The following GPHN variants were observed in gnomAD, a reference collection of about 807,000 sequenced individuals.
The protein encoded by GPHN is gephyrin.
Under a neutral mutation model 95.5 loss-of-function variants are expected in GPHN, and 17 were observed. The observed-to-expected ratio is 0.18, with a 90% CI of 0.12 to 0.27. GPHN has a LOEUF of 0.27. Ranked by LOEUF, GPHN falls within the 10% of genes least tolerant of loss-of-function variation. The pLI, the probability that GPHN is intolerant of heterozygous loss-of-function variation, is 1.00. For synonymous variants in GPHN, 320 were observed against 322.5 expected (o/e 0.99, Z 0.08); for missense variants, 660 against 978.1 (o/e 0.67, Z 4.34).
the GPHN span, among the ~76,000 whole-genome samples, chr14:67,621,417 A>C: frequency 1.7e-4 from 26 of 152,044 alleles, no homozygotes; most frequent in Non-Finnish European, 2.9e-4. Flanking sequence ...CTGATCTTAT[A>C]TAGAACTAAT....
chr14:67,374,586 G>C, the GPHN span: 1 of 1,337,276 alleles, frequency 7.5e-7, no homozygotes, highest in Non-Finnish European at 1.1e-6. Flanking sequence ...CACTATCTGT[G>C]TGTTTAATAA....
At chr14:67,286,929 C>G in the GPHN span, among the ~76,000 whole-genome samples, 2 of 146,274 alleles carry the variant, frequency 1.4e-5, no homozygotes, top group Non-Finnish European at 3.0e-5. Flanking sequence ...AAAAATGTAC[C>G]CTTTATGGCT....
At chr14:66,786,556 A>G (rs1055675396) in intron 3 of GPHN, among the ~76,000 whole-genome samples, 26 of 152,266 alleles carry the variant, frequency 1.7e-4, no homozygotes, top group African/African-American at 5.3e-4. Context: ...TGTTGATACC[A>G]AAAACAGAGA....
intron 20 of GPHN, among the ~76,000 whole-genome samples, chr14:67,168,610 A>C (rs2082416162): frequency 6.6e-6 from 1 of 152,230 alleles, no homozygotes; most frequent in Non-Finnish European, 1.5e-5. Context: ...AAACGGCTTT[A>C]AAACAAGATT....
chr14:66,543,960 G>C (rs190106060), intron 1 of GPHN, among the ~76,000 whole-genome samples: 1,838 of 152,246 alleles, frequency 0.012, 18 homozygotes, highest in Non-Finnish European at 0.018. Flanking sequence ...ACTTTGCTGA[G>C]GACTCTCCAG....
chr14:66,983,508 G>T (rs1313036734), intron 9 of GPHN, among the ~76,000 whole-genome samples: 1 of 151,742 alleles, frequency 6.6e-6, no homozygotes, highest in Non-Finnish European at 1.5e-5. Context: ...CATGAAACTT[G>T]AATTGTAGCC....
In GPHN at chr14:67,074,896, C is replaced by T. The variant is rs183532725; in HGVS notation, c.1145-14087C>T. Among the ~76,000 whole-genome samples, 59 of 152,206 alleles carry T rather than the reference C, an allele frequency of 3.9e-4. 1 individual carries two copies. The highest frequency in any genetic ancestry group is 1.3e-3 in the African/African-American group (53 of 41,546). On this transcript the variant is annotated intron_variant, in intron 11 of 22. Transcript: ENST00000478722. ...GAGCTTTAAGGACAGAATACATCTC[C>T]ATAATATAACAATGCAAGGTGAAGC...
chr14:67,622,658 C>T, the GPHN span, among the ~76,000 whole-genome samples: 49,425 of 152,108 alleles, frequency 0.32, 8,632 homozygotes, highest in African/African-American at 0.46. Flanking sequence ...CTTGTACACA[C>T]TGCCTTTTTA....
the GPHN span, among the ~76,000 whole-genome samples, chr14:67,452,701 T>C: frequency 1.3e-5 from 2 of 152,178 alleles, no homozygotes; most frequent in Non-Finnish European, 2.9e-5. Flanking sequence ...TTACTTATCA[T>C]CTGTGTGACC....
At chr14:66,852,300 T>C (rs1204513826) in intron 4 of GPHN, among the ~76,000 whole-genome samples, 1 of 152,232 alleles carries the variant, frequency 6.6e-6, no homozygotes, top group Admixed American at 6.5e-5. Context: ...AGTATGGCTT[T>C]CTCTTTTGTT....
the GPHN span, among the ~76,000 whole-genome samples, chr14:67,439,603 T>TCTTTCTTC: frequency 1.3e-5 from 2 of 150,000 alleles, no homozygotes; most frequent in African/African-American, 4.9e-5. Flanking sequence ...CTTCTTTCTT[T>TCTTTCTTC]TTTGCATCAG....
At chr14:66,586,022 C>G (rs1462154672) in intron 1 of GPHN, among the ~76,000 whole-genome samples, 2 of 152,148 alleles carry the variant, frequency 1.3e-5, no homozygotes, top group African/African-American at 4.8e-5. Flanking sequence ...GTGTGGGATT[C>G]TAAGTCTCTT....
At chr14:66,915,869 T>G in intron 5 of GPHN, 134 bp from the exon 6 acceptor site, 4 of 707,704 alleles carry the variant, frequency 5.7e-6, no homozygotes, top group Non-Finnish European at 1.0e-5. Context: ...AAGCAGTGAA[T>G]GTCTTAAGAT....
At chr14:66,700,485 T>C (rs2068453316) in intron 2 of GPHN, among the ~76,000 whole-genome samples, 1 of 152,220 alleles carries the variant, frequency 6.6e-6, no homozygotes, top group Admixed American at 6.5e-5. Context: ...TATGATCTAA[T>C]TTAAATTTGT....
chr14:66,756,638 T>TACTC, intron 2 of GPHN, among the ~76,000 whole-genome samples: 3 of 152,254 alleles, frequency 2.0e-5, no homozygotes, highest in Admixed American at 1.3e-4. Context: ...CTTGAATCAT[T>TACTC]TGTTTTTACT....
the GPHN span, among the ~76,000 whole-genome samples, chr14:67,367,456 C>G: frequency 6.9e-6 from 1 of 144,006 alleles, no homozygotes; most frequent in Admixed American, 6.9e-5. Flanking sequence ...GTCTTGATCT[C>G]CTGACCTTGT....
At chr14:67,708,417 G>A in the GPHN span, among the ~76,000 whole-genome samples, 1 of 152,050 alleles carries the variant, frequency 6.6e-6, no homozygotes, top group African/African-American at 2.4e-5. Flanking sequence ...CTGCATTTAA[G>A]AACACCTGTT....
chr14:67,214,646 C>A, the GPHN span, among the ~76,000 whole-genome samples: 14 of 151,880 alleles, frequency 9.2e-5, no homozygotes, highest in South Asian at 2.5e-3. Context: ...CTTGGCGATG[C>A]GGGCTCTTTT....
At chr14:67,575,880 T>G in the GPHN span, 1 of 1,613,946 alleles carries the variant, frequency 6.2e-7, no homozygotes, top group Non-Finnish European at 8.5e-7. Context: ...AGATCGATCC[T>G]GTGACTCAGA....
Sources: gnomAD v4.1 joint callset for allele counts (sites outside exome capture counted in the v4.1 genomes callset) on GRCh38, gnomAD v4.1.1 for gene constraint, MANE v1.5 for transcripts, NCBI Gene and HGNC (gene_info 2026-07-23, HGNC 2026-07-21) for gene names.